Variants in CAMTA1 observed in about 807,000 individuals in gnomAD.
CAMTA1 encodes calmodulin-binding transcription activator 1.
Under a neutral mutation model 170.9 loss-of-function variants are expected in CAMTA1, and 27 were observed. That is an observed-to-expected ratio of 0.16 (90% CI 0.12 to 0.22). CAMTA1 has a LOEUF of 0.22. Ranked by LOEUF, CAMTA1 falls within the 10% of genes least tolerant of loss-of-function variation. The pLI is 1.00. For missense variants in CAMTA1, 1,619 were observed against 2,217.2 expected (o/e 0.73, Z 5.42); for synonymous variants, 833 against 891.5 (o/e 0.93, Z 1.17).
At chr1:7,086,704 A>G (rs1015599186) in intron 3 of CAMTA1, among the ~76,000 whole-genome samples, 2 of 152,156 alleles carry the variant, frequency 1.3e-5, no homozygotes, top group African/African-American at 4.8e-5. Context: ...ACTCAGCATC[A>G]TGTTTTCAGT....
At chr1:7,618,245 T>C (rs1459608484) in intron 6 of CAMTA1, among the ~76,000 whole-genome samples, 1 of 152,200 alleles carries the variant, frequency 6.6e-6, no homozygotes. Flanking sequence ...CTCAAGAAGG[T>C]GTTAGCTGAG....
chr1:7,197,673 C>CAT (rs1655807402), intron 4 of CAMTA1, among the ~76,000 whole-genome samples: 2 of 143,772 alleles, frequency 1.4e-5, no homozygotes, highest in Admixed American at 6.9e-5. Flanking sequence ...CACACACACA[C>CAT]ACACAATCTA....
chr1:7,024,987 T>C (rs994212116), intron 3 of CAMTA1, among the ~76,000 whole-genome samples: 21 of 152,214 alleles, frequency 1.4e-4, no homozygotes, highest in African/African-American at 4.3e-4. Context: ...AATTTCCTTC[T>C]AGGGGGTCAG....
At chr1:6,889,765 C>A (rs557233993) in intron 3 of CAMTA1, among the ~76,000 whole-genome samples, 3 of 152,256 alleles carry the variant, frequency 2.0e-5, no homozygotes, top group South Asian at 4.1e-4. Context: ...CATACGACAA[C>A]CCCTGTGACC....
chr1:7,035,000 T>A (rs1306838416), intron 3 of CAMTA1, among the ~76,000 whole-genome samples: 3 of 152,228 alleles, frequency 2.0e-5, no homozygotes, highest in African/African-American at 7.2e-5. Context: ...CAAATGCTTT[T>A]CTTCAAGACA....
At chr1:7,177,470 G>GCCCCCCC (rs139743157) in intron 4 of CAMTA1, among the ~76,000 whole-genome samples, 2 of 122,360 alleles carry the variant, frequency 1.6e-5, no homozygotes, top group African/African-American at 3.1e-5. Context: ...ACACCCTGAG[G>GCCCCCCC]CCCCCCCACA....
rs537471251 is a variant in CAMTA1 at position 6,799,795 on chromosome 1, C to G, written c.45+14220C>G. On this transcript the variant is annotated intron_variant, in intron 1 of 22. Coordinates refer to ENST00000303635, the MANE Select transcript of CAMTA1 (RefSeq NM_015215.4). ...GTGGTCTCTCTCTCTCTCTGATTAT[C>G]TTATTGTACCATACTCACCTATTTT... 2.6e-5 allele frequency among the ~76,000 whole-genome samples: 4 copies of G among 152,268 alleles called. No individual in the cohort carries two copies. The East Asian group carries it at 7.7e-4, about 29-fold the overall frequency.
intron 4 of CAMTA1, among the ~76,000 whole-genome samples, chr1:7,176,520 A>T (rs1273332876): frequency 2.0e-5 from 3 of 152,134 alleles, no homozygotes; most frequent in Non-Finnish European, 4.4e-5. Flanking sequence ...GGGCCTACAC[A>T]TGCTAAACTC....
At chr1:7,559,828 G>A (rs186579563) in intron 6 of CAMTA1, among the ~76,000 whole-genome samples, 1 of 151,906 alleles carries the variant, frequency 6.6e-6, no homozygotes, top group African/African-American at 2.4e-5. Context: ...TGAACTTCCA[G>A]CTTCTGGGAG....
chr1:7,670,802 C>A, intron 9 of CAMTA1, 109 bp from the exon 10 acceptor site: 1 of 1,245,678 alleles, frequency 8.0e-7, no homozygotes, highest in Non-Finnish European at 1.1e-6. Context: ...CTGCATGGGG[C>A]GAGGGGTACA....
chr1:7,026,853 C>T (rs1235891368), intron 3 of CAMTA1, among the ~76,000 whole-genome samples: 1 of 152,088 alleles, frequency 6.6e-6, no homozygotes. Context: ...TGGTCTCGAT[C>T]CCCTGACCTC....
chr1:7,367,864 C>T (rs1312991564), intron 5 of CAMTA1, among the ~76,000 whole-genome samples: 1 of 151,898 alleles, frequency 6.6e-6, no homozygotes, highest in African/African-American at 2.4e-5. Context: ...CTCATGGTTT[C>T]GTTGGGCACA....
In CAMTA1 at chr1:7,671,985, A is replaced by G. The variant is rs2096064344; in HGVS notation, c.2779+948A>G. The G allele has an allele frequency of 6.6e-6, 3 of 455,942 alleles. No individual in the cohort carries two copies. The Admixed American group carries it at 7.1e-5, about 11-fold the overall frequency. 28.2% of individuals were successfully genotyped at this position (455,942 alleles called of 1,614,324 possible). A position where few individuals can be genotyped will look rare whatever the true frequency, so the allele number is the denominator to read the frequency against. ...CTCCAGGCATCTGAAGCCTGTTTCTAGAGCTCATGTCTTCTGCTCCTGGGC... is the reference window on the plus strand; with the variant it reads ...CTCCAGGCATCTGAAGCCTGTTTCTGGAGCTCATGTCTTCTGCTCCTGGGC... On this transcript the variant is annotated intron_variant, in intron 10 of 22. Transcript: ENST00000303635.
At chr1:7,271,346 C>A (rs1669771751) in intron 5 of CAMTA1, among the ~76,000 whole-genome samples, 1 of 152,034 alleles carries the variant, frequency 6.6e-6, no homozygotes. Context: ...CTCCTAGACT[C>A]CAGAACTATG....
chr1:7,082,108 C>T (rs188157824), intron 3 of CAMTA1, among the ~76,000 whole-genome samples: 3 of 152,314 alleles, frequency 2.0e-5, no homozygotes, highest in East Asian at 1.9e-4. Flanking sequence ...TCAGCGGCCT[C>T]TTCTCTACCA....
chr1:7,117,063 G>A (rs574692518), intron 4 of CAMTA1, among the ~76,000 whole-genome samples: 1 of 151,394 alleles, frequency 6.6e-6, no homozygotes, highest in African/African-American at 2.4e-5. Context: ...CCACCTCCCA[G>A]GTTCAAGTGA....
At chr1:7,472,534 G>A (rs549162299) in intron 6 of CAMTA1, among the ~76,000 whole-genome samples, 19 of 152,202 alleles carry the variant, frequency 1.2e-4, no homozygotes, top group African/African-American at 2.4e-4. Context: ...GCTGCCCTCC[G>A]CTGCCTCCCC....
intron 6 of CAMTA1, among the ~76,000 whole-genome samples, chr1:7,619,752 C>T (rs1035990419): frequency 1.5e-4 from 23 of 151,646 alleles, no homozygotes; most frequent in African/African-American, 3.2e-4. Flanking sequence ...TGGGTTCAAG[C>T]GATTCTCGTG....
chr1:7,430,333 T>C (rs1285906885), intron 5 of CAMTA1, among the ~76,000 whole-genome samples: 1 of 151,940 alleles, frequency 6.6e-6, no homozygotes, highest in African/African-American at 2.4e-5. Flanking sequence ...GCAGTGGTGA[T>C]GACAGCAATC....
Sources: gnomAD v4.1 joint callset for allele counts (sites outside exome capture counted in the v4.1 genomes callset) on GRCh38, gnomAD v4.1.1 for gene constraint, MANE v1.5 for transcripts, NCBI Gene and HGNC (gene_info 2026-07-23, HGNC 2026-07-21) for gene names.